GOLIM4: variants seen among roughly 807,000 people sequenced by gnomAD.
GOLIM4 encodes 130 kDa golgi-localized phosphoprotein.
Under a neutral mutation model 107.4 loss-of-function variants are expected in GOLIM4, and 71 were observed. That is an observed-to-expected ratio of 0.66 (90% CI 0.55 to 0.81). GOLIM4 has a LOEUF of 0.81. Among genes scored for constraint, GOLIM4 ranks in the 30% least tolerant of loss-of-function variants. The probability of loss-of-function intolerance (pLI) is 0.00; values close to 1 mark genes in which losing one functional copy is unlikely to be tolerated. For synonymous variants in GOLIM4, 327 were observed against 294.8 expected (o/e 1.11, Z -1.12); for missense variants, 830 against 826.1 (o/e 1.00, Z -0.06).
At chr3:168,088,751 A>C (rs1236973980) in intron 1 of GOLIM4, among the ~76,000 whole-genome samples, 1 of 152,136 alleles carries the variant, frequency 6.6e-6, no homozygotes, top group Non-Finnish European at 1.5e-5. Flanking sequence ...TTTTTGATTC[A>C]CACCATATTT....
At chr3:168,057,442 G>C (rs1720041508) in intron 1 of GOLIM4, among the ~76,000 whole-genome samples, 1 of 152,168 alleles carries the variant, frequency 6.6e-6, no homozygotes, top group Non-Finnish European at 1.5e-5. Context: ...GTTCCGCATG[G>C]CTAGGGAGGC....
rs747372393 is a variant in GOLIM4, at chr3:168,029,220, C to T, written c.1513+3G>A. 3.2e-6 allele frequency: 5 copies of T among 1,563,552 alleles called. No individual in the cohort carries two copies. The highest frequency in any genetic ancestry group is 1.4e-5 in the African/African-American group (1 of 74,002). On this transcript the variant is annotated splice_donor_region_variant and intron_variant, in intron 11 of 15. Coordinates refer to ENST00000470487, the MANE Select transcript of GOLIM4 (RefSeq NM_014498.5). The stretch of plus-strand genomic sequence containing the variant: ...ACATTCATCATCTAGGAAGTCTCAC[C>T]ACCTCCTTCCTCTCCTTGGATTCCC...
At chr3:168,074,671 G>A (rs1446997708) in intron 1 of GOLIM4, among the ~76,000 whole-genome samples, 1 of 151,946 alleles carries the variant, frequency 6.6e-6, no homozygotes. Context: ...GGAAGATTGG[G>A]GTGAAAGCAG....
At chr3:168,068,479 T>A (rs1468399665) in intron 1 of GOLIM4, among the ~76,000 whole-genome samples, 2 of 152,218 alleles carry the variant, frequency 1.3e-5, no homozygotes, top group Non-Finnish European at 1.5e-5. Flanking sequence ...TGTTTATACG[T>A]CAACTTCTTG....
chr3:168,029,441 C>G, intron 10 of GOLIM4, 139 bp from the exon 11 acceptor site: 1 of 571,316 alleles, frequency 1.8e-6, no homozygotes, highest in Non-Finnish European at 3.0e-6. Context: ...TTTTAAAAAC[C>G]TCTTATGTAT....
intron 3 of GOLIM4, among the ~76,000 whole-genome samples, chr3:168,046,353 G>A (rs984066704): frequency 5.9e-5 from 9 of 151,802 alleles, no homozygotes; most frequent in Non-Finnish European, 1.2e-4. Context: ...TCGCAGAGGG[G>A]GATTTGGCAG....
At chr3:168,025,232 A>C in intron 12 of GOLIM4, 137 bp from the exon 13 acceptor site, 1 of 661,500 alleles carries the variant, frequency 1.5e-6, no homozygotes, top group African/African-American at 1.8e-5. Flanking sequence ...GCCAAGACTC[A>C]CAAGAATCAA....
intron 6 of GOLIM4, chr3:168,041,173 G>A (rs1027167568): frequency 1.3e-5 from 7 of 518,818 alleles, no homozygotes; most frequent in East Asian, 6.1e-5. Context: ...ACTAGCATGA[G>A]AATAATTTCA....
rs59870709 is a variant in GOLIM4, at chr3:168,009,430, CAAAAA to C, written c.*834_*838del. 2.6e-5 allele frequency: 2 copies of C among 77,496 alleles called. No individual in the cohort carries two copies. The highest frequency in any genetic ancestry group is 5.2e-4 in the East Asian group (1 of 1,928). 4.8% of individuals were successfully genotyped at this position (77,496 alleles called of 1,614,324 possible). Reference sequence around the variant, plus strand: ...AAGAATATCAATCAATGGCTTCAAACAAAAAAAAAAAAAAAAAATTGAGAATGGGT... The same window carrying C: ...AAGAATATCAATCAATGGCTTCAAACAAAAAAAAAAAAATTGAGAATGGGT... On this transcript the variant is annotated 3_prime_UTR_variant, in exon 16 of 16. Transcript: ENST00000470487.
rs780066947 is a variant in GOLIM4, at chr3:168,026,779, A to T, written c.1623+949T>A. 4.6e-5 allele frequency among the ~76,000 whole-genome samples: 7 copies of T among 152,322 alleles called. 1 individual carries two copies. The highest frequency in any genetic ancestry group is 2.0e-4 in the Admixed American group (3 of 15,296). On this transcript the variant is annotated intron_variant, in intron 12 of 15. Transcript: ENST00000470487. ...CTGGAGCATATTTTCAGAAATCTTG[A>T]TGCAAGGAATGCCAGGGAAAGGTGT... is the stretch of plus-strand genomic sequence containing the variant.
chr3:168,056,512 G>C (rs1244300983), intron 1 of GOLIM4, among the ~76,000 whole-genome samples: 2 of 152,210 alleles, frequency 1.3e-5, no homozygotes, highest in South Asian at 4.1e-4. Context: ...ACCTGGAAAA[G>C]CCACAGACAC....
chr3:168,047,488 T>C (rs1719379479), intron 2 of GOLIM4, among the ~76,000 whole-genome samples: 1 of 152,190 alleles, frequency 6.6e-6, no homozygotes, highest in Non-Finnish European at 1.5e-5. Flanking sequence ...ACTCCAAATC[T>C]TATCAAAGCA....
intron 1 of GOLIM4, among the ~76,000 whole-genome samples, chr3:168,060,716 C>G (rs558942787): frequency 2.0e-5 from 3 of 152,310 alleles, no homozygotes; most frequent in African/African-American, 7.2e-5. Flanking sequence ...GTTACTAGCA[C>G]AGATTCCCAG....
chr3:168,020,451 C>T (rs1276227407), intron 14 of GOLIM4, among the ~76,000 whole-genome samples: 2 of 152,166 alleles, frequency 1.3e-5, no homozygotes, highest in Non-Finnish European at 2.9e-5. Flanking sequence ...TCCTAGGTTC[C>T]ATAACAGATA....
chr3:168,035,715 T>C (rs1425060900), intron 8 of GOLIM4, among the ~76,000 whole-genome samples: 1 of 152,150 alleles, frequency 6.6e-6, no homozygotes, highest in Admixed American at 6.5e-5. Flanking sequence ...GATAAGATAA[T>C]CTTTACAACA....
intron 14 of GOLIM4, among the ~76,000 whole-genome samples, chr3:168,021,958 C>T (rs1717714843): frequency 6.6e-6 from 1 of 152,018 alleles, no homozygotes; most frequent in Admixed American, 6.6e-5. Flanking sequence ...GCTTACAAGG[C>T]GATAAAACGT....
chr3:168,029,780 C>T lies in GOLIM4; in HGVS notation c.1433G>A (p.Arg478Gln), dbSNP rs1335676159. The change falls in exon 10 of 16, where the codon CGG becomes CAG. Residue 478 changes from arginine (R) to glutamine (Q), a missense_variant and splice_region_variant. Arg to Gln is a conservative substitution (Grantham distance 43). Coordinates refer to ENST00000470487, the MANE Select transcript of GOLIM4 (RefSeq NM_014498.5). ...GTTCATTAAGGAAGGGGAAGGCTACCGGAGCTGCTCCTGGTGCTGCGGCCG... is the reference window on the plus strand; with the variant it reads ...GTTCATTAAGGAAGGGGAAGGCTACTGGAGCTGCTCCTGGTGCTGCGGCCG... Reference protein sequence around the residue: ...EGRPQHQEQLRQQAHYDAMDN... With the variant: ...EGRPQHQEQLQQQAHYDAMDN... 2.5e-5 allele frequency: 41 copies of T among 1,612,652 alleles called. No individual in the cohort carries two copies. The highest frequency in any genetic ancestry group is 3.5e-5 in the Non-Finnish European group (41 of 1,179,328).
At chr3:168,087,787 G>A (rs1382064556) in intron 1 of GOLIM4, among the ~76,000 whole-genome samples, 2 of 152,140 alleles carry the variant, frequency 1.3e-5, no homozygotes, top group Non-Finnish European at 2.9e-5. Flanking sequence ...ACCTCTCTAA[G>A]CCTCAGATTG....
chr3:168,041,307 GC>G, intron 6 of GOLIM4, 84 bp downstream of exon 6: 1 of 767,704 alleles, frequency 1.3e-6, no homozygotes, highest in Non-Finnish European at 2.3e-6. Flanking sequence ...TGTAAAGCAG[GC>G]CAATTAGGGA....
Sources: gnomAD v4.1 joint callset for allele counts (sites outside exome capture counted in the v4.1 genomes callset) on GRCh38, gnomAD v4.1.1 for gene constraint, MANE v1.5 for transcripts, NCBI Gene and HGNC (gene_info 2026-07-23, HGNC 2026-07-21) for gene names.